Variants in CACNA1H observed in about 807,000 individuals in gnomAD.
The protein encoded by CACNA1H is calcium voltage-gated channel subunit alpha1 H.
In CACNA1H, 149 loss-of-function variants were observed where a neutral mutation model predicts 192.5. That is an observed-to-expected ratio of 0.77 (90% CI 0.68 to 0.89). The LOEUF (loss-of-function observed/expected upper bound fraction) is 0.89. Among genes scored for constraint, CACNA1H ranks in the 40% least tolerant of loss-of-function variants. CACNA1H has a pLI of 0.00. For synonymous variants in CACNA1H, 2,202 were observed against 1,475.2 expected, an observed-to-expected ratio of 1.49 and a Z score of -11.29; for missense variants, 4,257 against 3,423.5, an observed-to-expected ratio of 1.24 and a Z score of -6.08.
intron 13 of CACNA1H, 70 bp from the exon 14 acceptor site, chr16:1,207,205 C>G: frequency 1.3e-6 from 2 of 1,553,880 alleles, no homozygotes; most frequent in East Asian, 4.8e-5. Flanking sequence ...TCCATAGCTG[C>G]CTCTGCCCCA....
At chr16:1,211,116 C>T in intron 21 of CACNA1H, 52 bp from the exon 22 acceptor site, 3 of 1,596,812 alleles carry the variant, frequency 1.9e-6, no homozygotes, top group South Asian at 2.2e-5. Flanking sequence ...TCTGCCGGCG[C>T]CTGGCAGCTG....
chr16:1,214,895 G>C, intron 27 of CACNA1H, 77 bp from the exon 28 acceptor site: 1 of 1,103,268 alleles, frequency 9.1e-7, no homozygotes, highest in South Asian at 1.3e-5. Flanking sequence ...GGGGGCACTC[G>C]GGCGTGCAGA....
At chr16:1,208,352 T>C in intron 16 of CACNA1H, 131 bp downstream of exon 16, 3 of 695,498 alleles carry the variant, frequency 4.3e-6, no homozygotes, top group Admixed American at 2.8e-5. Flanking sequence ...GTGCAGAGAC[T>C]GAGAAAGAGT....
At position 1,218,514 on chromosome 16, in the gene CACNA1H, G is replaced by A. The variant is rs575944941; in HGVS notation, c.5750G>A (p.Arg1917His). 1.5e-5 allele frequency: 24 copies of A among 1,553,868 alleles called. No individual in the cohort carries two copies. Among genetic ancestry groups the A allele is most frequent in the Admixed American group, 1.9e-5 (1 of 51,394 alleles). Residue 1917 changes from arginine (R) to histidine (H), a missense_variant, in exon 33 of 35, where the codon CGC (arginine) becomes CAC (histidine). Transcript: ENST00000348261. The part of the protein sequence containing the change: ...GARDAPNLVA[R>H]KVSVSRMLSL... ...AGGGACGCCCCAAACCTGGTTGCAC[G>A]CAAGGTGTCCGTGTCCAGGATGCTC... is the stretch of plus-strand genomic sequence containing the variant.
chr16:1,186,627 T>C (rs1266142667), intron 2 of CACNA1H, among the ~76,000 whole-genome samples: 2 of 152,082 alleles, frequency 1.3e-5, no homozygotes, highest in African/African-American at 2.4e-5. Flanking sequence ...GTCGTGAATG[T>C]GGTCACGTGT....
rs1047163750 is a variant in CACNA1H, at chr16:1,187,474, C to T, written c.300-7498C>T. ...GCTGTGGGTGCCTTTCCCGCCCACACCCCTGCCCCTGGCTCAGGCCGCTTG... is the reference window on the plus strand; with the variant it reads ...GCTGTGGGTGCCTTTCCCGCCCACATCCCTGCCCCTGGCTCAGGCCGCTTG... On this transcript the variant is annotated intron_variant, in intron 2 of 34. Transcript: ENST00000348261. Among the ~76,000 whole-genome samples, 16 of 152,246 alleles carry T rather than the reference C, an allele frequency of 1.1e-4. No homozygotes were observed. The East Asian group carries it at 1.9e-3, about 18-fold the overall frequency.
intron 2 of CACNA1H, among the ~76,000 whole-genome samples, chr16:1,183,234 C>T (rs1415894446): frequency 1.3e-5 from 2 of 152,126 alleles, no homozygotes; most frequent in African/African-American, 2.4e-5. Flanking sequence ...CCTCTGGGAC[C>T]CCTGACGGGT....
intron 23 of CACNA1H, 42 bp downstream of exon 23, chr16:1,211,648 AC>A (rs777688884): frequency 1.1e-4 from 176 of 1,609,104 alleles, no homozygotes; most frequent in Non-Finnish European, 8.3e-5. Flanking sequence ...TCTCCAGGAC[AC>A]CCTGGAGCGA....
chr16:1,167,896 A>G lies in CACNA1H; in HGVS notation c.299+13860A>G, dbSNP rs1380621490. Among the ~76,000 whole-genome samples the G allele has an allele frequency of 6.6e-6, 1 of 152,142 alleles. No individual in the cohort carries two copies. On this transcript the variant is annotated intron_variant, in intron 2 of 34. Transcript: ENST00000348261. The surrounding 1 kb of genome is among the most constrained non-coding windows in gnomAD (Gnocchi z 4.2). ...TGCCCATGGCAGCAGGTGCTCAGTAAGCACTCGCCCCACCAGTGCGTGGAG... is the reference window on the plus strand; with the variant it reads ...TGCCCATGGCAGCAGGTGCTCAGTAGGCACTCGCCCCACCAGTGCGTGGAG...
At chr16:1,182,701 G>T (rs573786418) in intron 2 of CACNA1H, among the ~76,000 whole-genome samples, 1 of 152,274 alleles carries the variant, frequency 6.6e-6, no homozygotes, top group East Asian at 1.9e-4. Context: ...AGCAGACTGG[G>T]GGTTGGCTGG....
In CACNA1H at chr16:1,210,116, C is replaced by G; in HGVS notation, c.3826C>G (p.Leu1276Val). 1.3e-6 allele frequency: 2 copies of G among 1,558,848 alleles called. No homozygotes were observed. Among genetic ancestry groups the G allele is most frequent in the Non-Finnish European group, 1.7e-6 (2 of 1,152,026 alleles). Residue 1276 changes from leucine (L) to valine (V), a missense_variant, in exon 18 of 35, where the codon CTC becomes GTC. Physicochemically the swap from Leu to Val is conservative, Grantham distance 32. Coordinates refer to ENST00000348261, the MANE Select transcript of CACNA1H (RefSeq NM_021098.3). ...GAGCCGCGAGGCCTGGGCCCTCTAC[C>G]TCTTCTCCCCACAGAACCGGTGAGG... ...CRSREAWALY[L>V]FSPQNRFRVS... is the part of the protein sequence containing the mutation.
At position 1,200,463 on chromosome 16, in the gene CACNA1H, C is replaced by T. The variant is rs1256520947; in HGVS notation, c.1011C>T (p.Cys337=). Residue 337 remains cysteine (C), a synonymous_variant, in exon 7 of 35, where the codon TGC becomes TGT. Coordinates refer to ENST00000348261, the MANE Select transcript of CACNA1H (RefSeq NM_021098.3). ...AEGVGAARNA[C]INWNQYYNVC... Reference sequence around the variant, plus strand: ...GGGTGGGCGCTGCACGCAACGCCTGCATCAACTGGAACCAGTACTACAACG... The same window carrying T: ...GGGTGGGCGCTGCACGCAACGCCTGTATCAACTGGAACCAGTACTACAACG... 2 of 1,611,978 alleles carry T rather than the reference C, an allele frequency of 1.2e-6. No homozygotes were observed. Among genetic ancestry groups the T allele is most frequent in the South Asian group, 1.1e-5 (1 of 91,088 alleles).
intron 2 of CACNA1H, among the ~76,000 whole-genome samples, chr16:1,181,765 C>A (rs555590797): frequency 1.3e-5 from 2 of 152,264 alleles, no homozygotes; most frequent in East Asian, 3.9e-4. Context: ...GGGGACCCGC[C>A]CTCATCTCAG....
At chr16:1,165,342 G>A (rs1374059410) in intron 2 of CACNA1H, among the ~76,000 whole-genome samples, 1 of 152,192 alleles carries the variant, frequency 6.6e-6, no homozygotes, top group African/African-American at 2.4e-5. Context: ...GTGTTTGAAA[G>A]CTGAGCCTGC....
intron 8 of CACNA1H, 70 bp from the exon 9 acceptor site, chr16:1,201,593 A>G: frequency 6.7e-7 from 1 of 1,483,794 alleles, no homozygotes; most frequent in African/African-American, 1.4e-5. Context: ...CAGGCAGCGC[A>G]CAGTAGGGCT....
At chr16:1,162,466 G>A (rs947332724) in intron 2 of CACNA1H, among the ~76,000 whole-genome samples, 1 of 152,254 alleles carries the variant, frequency 6.6e-6, no homozygotes, top group East Asian at 1.9e-4. Context: ...GCGATTGGTC[G>A]CCCACTGTTG....
At chr16:1,154,850 A>T (rs1596274479) in intron 2 of CACNA1H, among the ~76,000 whole-genome samples, 1 of 152,148 alleles carries the variant, frequency 6.6e-6, no homozygotes, top group African/African-American at 2.4e-5. Context: ...GGGGCCCCCC[A>T]GCAGGTGGCC....
Position 1,208,032 on chromosome 16 carries a change from G to C in CACNA1H, c.3174G>C (p.Leu1058=). 1 of 1,606,356 alleles carries C rather than the reference G, an allele frequency of 6.2e-7. No individual in the cohort carries two copies. The highest frequency in any genetic ancestry group is 2.2e-5 in the East Asian group (1 of 44,508). The change falls in exon 16 of 35, where the codon CTG becomes CTC. Residue 1058 remains leucine, a synonymous_variant. Transcript: ENST00000348261. Reference sequence around the variant, plus strand: ...CCGCAGAGCTGAAGATGTGTTCCCTGGCCGTGACCCCCAACGGGCACCTGG... The same window carrying C: ...CCGCAGAGCTGAAGATGTGTTCCCTCGCCGTGACCCCCAACGGGCACCTGG... The part of the protein sequence containing the change: ...LQTTELKMCS[L]AVTPNGHLEG...
At chr16:1,204,603 A>G (rs1339975275) in intron 10 of CACNA1H, 145 bp downstream of exon 10, 3 of 643,246 alleles carry the variant, frequency 4.7e-6, no homozygotes, top group African/African-American at 3.7e-5. Context: ...TGGTGAGGAT[A>G]GGAGACCAGG....
Sources: gnomAD v4.1 joint callset for allele counts (sites outside exome capture counted in the v4.1 genomes callset) on GRCh38, gnomAD v4.1.1 for gene constraint, Gnocchi (gnomAD v3.1) non-coding constraint, MANE v1.5 for transcripts, NCBI Gene and HGNC (gene_info 2026-07-23, HGNC 2026-07-21) for gene names.